GPLD1: variants seen among roughly 807,000 people sequenced by gnomAD.
GPLD1 encodes glycosylphosphatidylinositol specific phospholipase D1, also known as phosphatidylinositol-glycan-specific phospholipase D.
A neutral mutation model predicts 112.6 loss-of-function variants in GPLD1; 84 were observed. The observed-to-expected ratio is 0.75, with a 90% CI of 0.63 to 0.89. The LOEUF (loss-of-function observed/expected upper bound fraction) is 0.89, where lower values mean the gene tolerates loss of function less well. Among genes scored for constraint, GPLD1 ranks in the 40% least tolerant of loss-of-function variants. The probability of loss-of-function intolerance (pLI) is 0.00; values close to 1 mark genes in which losing one functional copy is unlikely to be tolerated. For missense variants in GPLD1, 1,044 were observed against 1,051.5 expected (o/e 0.99, Z 0.10); for synonymous variants, 386 against 403.8 (o/e 0.96, Z 0.53).
chr6:24,490,666 C>A (rs1178668458), upstream of GPLD1, among the ~76,000 whole-genome samples: 1 of 151,718 alleles, frequency 6.6e-6, no homozygotes, highest in East Asian at 1.9e-4. Flanking sequence ...GTGGGAGGAT[C>A]TCTTGAACCC....
chr6:24,452,897 T>G (rs1246371745), intron 14 of GPLD1, among the ~76,000 whole-genome samples: 1 of 151,926 alleles, frequency 6.6e-6, no homozygotes, highest in African/African-American at 2.4e-5. Flanking sequence ...TGACTGGAAG[T>G]CTAGGGTTCT....
rs1244482153 is a variant in GPLD1, at chr6:24,428,319, T to C, written c.*713A>G. On this transcript the variant is annotated 3_prime_UTR_variant, in exon 25 of 25. Transcript: ENST00000230036. Reference sequence around the variant, plus strand: ...CATACATAAAGGTGTGTCATGGGGGTTTGTTACACAGATTATTTCATCACC... The same window carrying C: ...CATACATAAAGGTGTGTCATGGGGGCTTGTTACACAGATTATTTCATCACC... The C allele has an allele frequency of 6.6e-6, 1 of 152,050 alleles. No homozygotes were observed. Among genetic ancestry groups the C allele is most frequent in the Non-Finnish European group, 1.5e-5 (1 of 68,002 alleles). 9.4% of individuals were successfully genotyped at this position (152,050 alleles called of 1,614,324 possible).
At chr6:24,434,771 G>A (rs1345762853) in intron 22 of GPLD1, among the ~76,000 whole-genome samples, 2 of 148,646 alleles carry the variant, frequency 1.3e-5, no homozygotes, top group Non-Finnish European at 3.0e-5. Flanking sequence ...CTGGGAGGTG[G>A]AGGTTGCAGT....
At chr6:24,447,054 C>T in intron 17 of GPLD1, 75 bp from the exon 18 acceptor site, 12 of 1,369,192 alleles carry the variant, frequency 8.8e-6, no homozygotes, top group Non-Finnish European at 1.2e-5. Flanking sequence ...AAGGGTCCTT[C>T]TCGTAGCCTA....
chr6:24,490,558 G>A (rs1040768348), upstream of GPLD1, among the ~76,000 whole-genome samples: 1 of 151,920 alleles, frequency 6.6e-6, no homozygotes, highest in Non-Finnish European at 1.5e-5. Context: ...TGAGACCAGC[G>A]TGATCAACAT....
upstream of GPLD1, among the ~76,000 whole-genome samples, chr6:24,491,472 G>C (rs139989940): frequency 6.6e-6 from 1 of 152,220 alleles, no homozygotes; most frequent in African/African-American, 2.4e-5. Context: ...GCCAAGGCGG[G>C]CAGATGGCTT....
rs793678 is a variant in GPLD1, at chr6:24,427,337, A to G, written c.*1695T>C. Among the ~76,000 whole-genome samples, 150,623 of 152,290 alleles carry G rather than the reference A, an allele frequency of 0.99. 74,511 individuals are homozygous for G. The highest frequency in any genetic ancestry group is 1 in the East Asian group (5,182 of 5,182). On this transcript the variant is annotated 3_prime_UTR_variant, in exon 25 of 25. Transcript: ENST00000230036. ...CTTACAGTAGCGTGTGGCTCAGGCC[A>G]CATCTTTTCCCTCTAGTTCTTTTGG... is the stretch of plus-strand genomic sequence containing the variant.
chr6:24,453,783 C>T (rs115442458), intron 14 of GPLD1, among the ~76,000 whole-genome samples: 4,100 of 151,912 alleles, frequency 0.027, 62 homozygotes, highest in Middle Eastern at 0.071. Flanking sequence ...ACTGGCCACT[C>T]AAAGCAGTTC....
Position 24,477,676 on chromosome 6 carries a change from G to C in GPLD1, c.233-1398C>G, listed in dbSNP as rs559527295. Among the ~76,000 whole-genome samples, 12 of 152,190 alleles carry C rather than the reference G, an allele frequency of 7.9e-5. No homozygotes were observed. The East Asian group carries it at 2.3e-3, about 29-fold the overall frequency. On this transcript the variant is annotated intron_variant, in intron 3 of 24. Transcript: ENST00000230036. ...GGCCAGGAGTTTGAGGCTGTAATGA[G>C]CTGTGATTGCACCACTGCACCCCAG...
In GPLD1 at chr6:24,467,178, C is replaced by T. The variant is rs61754638; in HGVS notation, c.642G>A (p.Gln214=). Residue 214 remains glutamine, a synonymous_variant, in exon 8 of 25, where the codon CAG becomes CAA. Coordinates refer to ENST00000230036, the MANE Select transcript of GPLD1 (RefSeq NM_001503.4). ...ENVIVDCSHI[Q]FLEMYGEMLA... ...TGAGTTACGCTTACATTTCTAAGAA[C>T]TGGATATGTGAACAATCAACGATTA... 1.5e-4 allele frequency: 228 copies of T among 1,567,616 alleles called. No individual in the cohort carries two copies. The highest frequency in any genetic ancestry group is 2.0e-4 in the Non-Finnish European group (223 of 1,137,690).
upstream of GPLD1, among the ~76,000 whole-genome samples, chr6:24,493,472 G>A (rs1183825445): frequency 1.3e-5 from 2 of 151,840 alleles, no homozygotes; most frequent in African/African-American, 4.8e-5. Flanking sequence ...TGAGTCTGTC[G>A]GTCTCACAAG....
intron 7 of GPLD1, among the ~76,000 whole-genome samples, chr6:24,469,701 C>T (rs1763734466): frequency 1.4e-5 from 2 of 142,938 alleles, no homozygotes; most frequent in South Asian, 2.3e-4. Context: ...GTGGGTGCAG[C>T]GCACCAGCAT....
At chr6:24,480,086 GAAGGA>G in intron 2 of GPLD1, 127 bp from the exon 3 acceptor site, 1 of 627,696 alleles carries the variant, frequency 1.6e-6, no homozygotes, top group Non-Finnish European at 2.9e-6. Context: ...AGGGAAAAAG[GAAGGA>G]AAGCAGGCAT....
intron 20 of GPLD1, among the ~76,000 whole-genome samples, chr6:24,439,676 G>T: frequency 6.6e-6 from 1 of 151,994 alleles, no homozygotes. Context: ...ATTTAGACAA[G>T]GAGAAAAAAC....
intron 14 of GPLD1, 82 bp from the exon 15 acceptor site, chr6:24,449,981 C>G: frequency 1.1e-6 from 1 of 923,914 alleles, no homozygotes; most frequent in Non-Finnish European, 1.7e-6. Flanking sequence ...AGTAGAGAGG[C>G]CTGGGACAAC....
chr6:24,441,041 G>A (rs868444617), intron 20 of GPLD1, among the ~76,000 whole-genome samples: 2 of 152,096 alleles, frequency 1.3e-5, no homozygotes, highest in Non-Finnish European at 2.9e-5. Flanking sequence ...AGTGGCTCAC[G>A]CCTGTAATCC....
upstream of GPLD1, among the ~76,000 whole-genome samples, chr6:24,490,202 C>T (rs1027640141): frequency 9.2e-5 from 14 of 152,104 alleles, no homozygotes; most frequent in Admixed American, 7.9e-4. Flanking sequence ...GATGTCAATT[C>T]CACTTGGGAG....
chr6:24,434,196 G>C (rs1044609913), intron 22 of GPLD1, among the ~76,000 whole-genome samples: 1 of 151,896 alleles, frequency 6.6e-6, no homozygotes, highest in Non-Finnish European at 1.5e-5. Context: ...TCAGGAGTTC[G>C]AGACCAGCTT....
chr6:24,488,637 C>G (rs114325676), intron 1 of GPLD1, among the ~76,000 whole-genome samples: 5 of 151,516 alleles, frequency 3.3e-5, no homozygotes, highest in Admixed American at 3.3e-4. Context: ...GTGGGGGGGG[C>G]GGATGTGTTA....
Sources: allele counts gnomAD v4.1 joint callset (sites outside exome capture counted in the v4.1 genomes callset), GRCh38; gene constraint gnomAD v4.1.1; transcripts MANE v1.5; gene names NCBI Gene and HGNC (gene_info 2026-07-23, HGNC 2026-07-21).